The following AADAT variants were observed in gnomAD, a reference collection of about 807,000 sequenced individuals.
AADAT encodes aminoadipate aminotransferase, also known as kynurenine/alpha-aminoadipate aminotransferase, mitochondrial.
AADAT carries 25 observed loss-of-function variants against 56.2 expected under a neutral mutation model. That is an observed-to-expected ratio of 0.44 (90% confidence interval 0.32 to 0.62). The LOEUF (loss-of-function observed/expected upper bound fraction) is 0.62. Among genes scored for constraint, AADAT ranks in the 20% least tolerant of loss-of-function variants. AADAT has a pLI of 0.04. For missense variants in AADAT, 387 were observed against 510.5 expected (o/e 0.76, Z 2.33); for synonymous variants, 173 against 164.7 (o/e 1.05, Z -0.39).
chr4:170,072,043 A>C (rs892440071), intron 5 of AADAT, among the ~76,000 whole-genome samples: 1 of 152,128 alleles, frequency 6.6e-6, no homozygotes, highest in African/African-American at 2.4e-5. Flanking sequence ...AGAAAGGTGG[A>C]TACAGAAGCA....
chr4:170,073,702 T>C (rs988972481), intron 4 of AADAT, among the ~76,000 whole-genome samples: 3 of 152,076 alleles, frequency 2.0e-5, no homozygotes, highest in African/African-American at 4.8e-5. Flanking sequence ...GGTTTCACCA[T>C]GTTAGCCAGG....
chr4:170,089,425 C>A, intron 1 of AADAT, 199 bp downstream of exon 1: 2 of 631,036 alleles, frequency 3.2e-6, no homozygotes, highest in East Asian at 5.5e-5. Flanking sequence ...GCAGAAATAC[C>A]CGCCTTCCGT....
intron 6 of AADAT, among the ~76,000 whole-genome samples, chr4:170,069,610 G>A (rs1303567769): frequency 1.3e-5 from 2 of 152,186 alleles, no homozygotes; most frequent in Non-Finnish European, 2.9e-5. Flanking sequence ...ATGGCCAGCA[G>A]CACTGAAGGG....
chr4:170,085,773 G>A (rs80004316), intron 3 of AADAT, among the ~76,000 whole-genome samples: 2 of 151,900 alleles, frequency 1.3e-5, no homozygotes, highest in Non-Finnish European at 2.9e-5. Context: ...AAAAGGGTAA[G>A]TTTTTTTAAT....
intron 3 of AADAT, among the ~76,000 whole-genome samples, chr4:170,086,828 C>CA (rs1257962061): frequency 2.6e-5 from 4 of 152,174 alleles, no homozygotes; most frequent in Non-Finnish European, 5.9e-5. Flanking sequence ...CTTGTGTTCA[C>CA]AATGAGGAAA....
At chr4:170,064,637 T>C (rs1161531060) in intron 11 of AADAT, 82 bp downstream of exon 11, 2 of 1,038,654 alleles carry the variant, frequency 1.9e-6, no homozygotes, top group South Asian at 1.6e-5. Flanking sequence ...GAAACATTTC[T>C]TTCCATTCTA....
chr4:170,069,681 A>G (rs577351684), intron 6 of AADAT, among the ~76,000 whole-genome samples: 1 of 152,290 alleles, frequency 6.6e-6, no homozygotes, highest in South Asian at 2.1e-4. Flanking sequence ...GAGAATGAAG[A>G]TGAGAAATTA....
chr4:170,073,380 G>C, intron 4 of AADAT, 35 bp from the exon 5 acceptor site: 1 of 1,556,232 alleles, frequency 6.4e-7, no homozygotes, highest in Non-Finnish European at 8.7e-7. Context: ...AGTCAGTCAT[G>C]ATTACAAATG....
chr4:170,067,174 G>T (rs1484090490), intron 9 of AADAT, among the ~76,000 whole-genome samples, 153 bp downstream of exon 9: 1 of 152,154 alleles, frequency 6.6e-6, no homozygotes, highest in African/African-American at 2.4e-5. Context: ...CTAACAAAAT[G>T]AATAGACTTT....
chr4:170,064,743 A>C lies in AADAT; in HGVS notation c.1110T>G (p.Ile370Met). The C allele has an allele frequency of 6.2e-7, 1 of 1,609,112 alleles. No individual in the cohort carries two copies. Reference protein sequence around the residue: ...VKGINDVKELIEEKAVKMGVL... With the variant: ...VKGINDVKELMEEKAVKMGVL... ...CCCCCATCTTAACGGCCTTTTCTTCAATCAGTTCTTTTACATCATTAATGC... is the reference window on the plus strand; with the variant it reads ...CCCCCATCTTAACGGCCTTTTCTTCCATCAGTTCTTTTACATCATTAATGC... Residue 370 changes from isoleucine to methionine, a missense_variant, in exon 11 of 13, where the codon ATT becomes ATG. Transcript: ENST00000337664.
upstream of AADAT, among the ~76,000 whole-genome samples, chr4:170,092,573 C>A (rs1215107319): frequency 1.3e-5 from 2 of 152,240 alleles, no homozygotes; most frequent in African/African-American, 4.8e-5. Flanking sequence ...CCCACCAATT[C>A]CAGGCACAGT....
chr4:170,088,069 C>T (rs1407650394), intron 2 of AADAT, among the ~76,000 whole-genome samples: 2 of 151,332 alleles, frequency 1.3e-5, no homozygotes, highest in African/African-American at 2.4e-5. Context: ...TTTTTTTGGA[C>T]TCAGCTCTAA....
At chr4:170,080,430 G>A (rs1052087529) in intron 3 of AADAT, among the ~76,000 whole-genome samples, 5 of 152,142 alleles carry the variant, frequency 3.3e-5, no homozygotes, top group Admixed American at 3.3e-4. Context: ...CTGGAGACCT[G>A]TCCTTGCCTT....
chr4:170,071,176 G>A (rs1201488276), intron 5 of AADAT, among the ~76,000 whole-genome samples: 1 of 152,220 alleles, frequency 6.6e-6, no homozygotes, highest in Admixed American at 6.5e-5. Flanking sequence ...GCCTCCCAAA[G>A]TGCTGGGATT....
chr4:170,062,560 G>A (rs1731245785), intron 11 of AADAT, among the ~76,000 whole-genome samples: 1 of 152,164 alleles, frequency 6.6e-6, no homozygotes, highest in African/African-American at 2.4e-5. Context: ...TATTAAATAA[G>A]CGTGTCAAGA....
intron 4 of AADAT, among the ~76,000 whole-genome samples, chr4:170,077,429 A>G (rs1732093864): frequency 6.6e-6 from 1 of 152,076 alleles, no homozygotes; most frequent in African/African-American, 2.4e-5. Context: ...ATTTATTCCT[A>G]CGTATTTTAT....
intron 3 of AADAT, among the ~76,000 whole-genome samples, chr4:170,080,402 C>A (rs1732239725): frequency 6.6e-6 from 1 of 152,074 alleles, no homozygotes; most frequent in Non-Finnish European, 1.5e-5. Context: ...GTTTTCCCCA[C>A]CATCTTTGGT....
chr4:170,063,682 T>G (rs1165712019), intron 11 of AADAT, among the ~76,000 whole-genome samples: 1 of 152,196 alleles, frequency 6.6e-6, no homozygotes, highest in Non-Finnish European at 1.5e-5. Context: ...AGCTCTAACT[T>G]CTAGAGCACC....
At chr4:170,073,045 G>C in intron 5 of AADAT, 91 bp downstream of exon 5, 1 of 1,210,706 alleles carries the variant, frequency 8.3e-7, no homozygotes. Flanking sequence ...GAAAGCAAAA[G>C]GCTAAGAAGA....
Sources: gnomAD v4.1 joint callset for allele counts (sites outside exome capture counted in the v4.1 genomes callset) on GRCh38, gnomAD v4.1.1 for gene constraint, MANE v1.5 for transcripts, NCBI Gene and HGNC (gene_info 2026-07-23, HGNC 2026-07-21) for gene names.